Variants in B3GLCT observed in about 807,000 individuals in gnomAD.
The protein encoded by B3GLCT is beta 3-glucosyltransferase, also known as beta-1,3-glucosyltransferase.
In B3GLCT, 65 loss-of-function variants were observed where a neutral mutation model predicts 63.4. The observed-to-expected ratio is 1.03, with a 90% CI of 0.84 to 1.26. The LOEUF is 1.26. Among genes scored for constraint, B3GLCT ranks in the 50% most tolerant of loss-of-function variants. The pLI is 0.00. For missense variants in B3GLCT, 577 were observed against 604.8 expected (o/e 0.95, Z 0.48); for synonymous variants, 233 against 219.2 (o/e 1.06, Z -0.55).
At position 31,318,264 on chromosome 13, in the gene B3GLCT, G is replaced by A. The variant is rs115024990; in HGVS notation, c.1184+579G>A. Among the ~76,000 whole-genome samples, 399 of 152,246 alleles carry A rather than the reference G, an allele frequency of 2.6e-3. 2 individuals carry two copies. The highest frequency in any genetic ancestry group is 8.9e-3 in the African/African-American group (369 of 41,548). On this transcript the variant is annotated intron_variant, in intron 13 of 14. Transcript: ENST00000343307. ...ACTTCTGTAGTCTTACTATTGGTGC[G>A]TGTAGGCAAAATCTTATCAACGGTA...
chr13:31,299,058 C>T (rs1373060134), intron 12 of B3GLCT, among the ~76,000 whole-genome samples: 6 of 152,298 alleles, frequency 3.9e-5, no homozygotes, highest in South Asian at 2.1e-4. Flanking sequence ...ATTATTCCAA[C>T]GTACTCCTGC....
At chr13:31,321,624 G>C (rs1425399273) in intron 13 of B3GLCT, among the ~76,000 whole-genome samples, 1 of 152,208 alleles carries the variant, frequency 6.6e-6, no homozygotes, top group Non-Finnish European at 1.5e-5. Flanking sequence ...AGTCCAGTAA[G>C]TTTTTGAAAA....
At chr13:31,310,300 C>T (rs1874638899) in intron 12 of B3GLCT, among the ~76,000 whole-genome samples, 1 of 152,190 alleles carries the variant, frequency 6.6e-6, no homozygotes, top group South Asian at 2.1e-4. Context: ...GCTGTTCTTG[C>T]ATTGAATAAA....
intron 1 of B3GLCT, among the ~76,000 whole-genome samples, chr13:31,202,663 T>C (rs548673769): frequency 4.9e-4 from 74 of 152,294 alleles, no homozygotes; most frequent in Non-Finnish European, 6.0e-4. Context: ...TACAGAGATA[T>C]CTTTAGAGAT....
rs1870254261 is a variant in B3GLCT, at chr13:31,229,280, G to A, written c.256G>A (p.Ala86Thr). 6.2e-7 allele frequency: 1 copy of A among 1,606,930 alleles called. No individual in the cohort carries two copies. The highest frequency in any genetic ancestry group is 8.5e-7 in the Non-Finnish European group (1 of 1,173,448). Residue 86 changes from alanine to threonine, a missense_variant, in exon 4 of 15, where the codon GCA (alanine) becomes ACA (threonine). Transcript: ENST00000343307. The stretch of plus-strand genomic sequence containing the variant: ...AAAAAAAAGCATCTTAAAGCAGGCT[G>A]CAGATCTTACACAGGTACGTAGCGA... ...QLKKSILKQA[A>T]DLTQELPSVL...
At chr13:31,235,560 G>A (rs1447662824) in intron 4 of B3GLCT, among the ~76,000 whole-genome samples, 1 of 151,708 alleles carries the variant, frequency 6.6e-6, no homozygotes, top group Non-Finnish European at 1.5e-5. Context: ...CTCTGGAGAG[G>A]CCTCAGAGAG....
rs759071109 is a variant in B3GLCT, at chr13:31,260,960, A to G, written c.474A>G (p.Gly158=). 3 of 1,613,654 alleles carry G rather than the reference A, an allele frequency of 1.9e-6. No homozygotes were observed. The highest frequency in any genetic ancestry group is 2.5e-6 in the Non-Finnish European group (3 of 1,179,700). The part of the protein sequence containing the change: ...RYDPSKEWFL[G]KALHDEEATI... ...TTATTTAACAGGAATGGTTTTTGGG[A>G]AAAGCATTACATGATGAAGAAGCTA... The change falls in exon 7 of 15, where the codon GGA becomes GGG. Residue 158 remains glycine (G), a synonymous_variant. Coordinates refer to ENST00000343307, the MANE Select transcript of B3GLCT (RefSeq NM_194318.4).
chr13:31,216,063 A>G (rs981209457), intron 2 of B3GLCT, among the ~76,000 whole-genome samples: 2 of 152,224 alleles, frequency 1.3e-5, no homozygotes, highest in African/African-American at 2.4e-5. Context: ...AGTTTAAAAT[A>G]TCAGTTGTTT....
intron 1 of B3GLCT, among the ~76,000 whole-genome samples, chr13:31,204,610 T>TG (rs1377107213): frequency 6.6e-6 from 1 of 152,038 alleles, no homozygotes; most frequent in Non-Finnish European, 1.5e-5. Context: ...GGACATATTT[T>TG]GGGGTCATCC....
At chr13:31,327,947 GT>G (rs1875718681) in intron 14 of B3GLCT, among the ~76,000 whole-genome samples, 2 of 152,182 alleles carry the variant, frequency 1.3e-5, no homozygotes, top group South Asian at 4.1e-4. Flanking sequence ...ATTTGTACTG[GT>G]GAAGCTAGGT....
intron 6 of B3GLCT, among the ~76,000 whole-genome samples, chr13:31,258,764 G>A (rs1871869441): frequency 6.6e-6 from 1 of 152,104 alleles, no homozygotes; most frequent in Admixed American, 6.6e-5. Context: ...ATGTGCCTAT[G>A]TGTGATTTTC....
chr13:31,286,465 T>C (rs1210417363), intron 11 of B3GLCT, among the ~76,000 whole-genome samples: 1 of 152,194 alleles, frequency 6.6e-6, no homozygotes, highest in African/African-American at 2.4e-5. Flanking sequence ...TGTGACTGTG[T>C]AATTCCACTC....
intron 11 of B3GLCT, among the ~76,000 whole-genome samples, chr13:31,286,493 T>A (rs567901892): frequency 6.6e-6 from 1 of 152,320 alleles, no homozygotes; most frequent in Non-Finnish European, 1.5e-5. Flanking sequence ...TAGGTCTCCA[T>A]TTCCTTGTGT....
At chr13:31,234,549 G>A (rs1234524486) in intron 4 of B3GLCT, among the ~76,000 whole-genome samples, 1 of 152,200 alleles carries the variant, frequency 6.6e-6, no homozygotes, top group Non-Finnish European at 1.5e-5. Context: ...AGGACAGCAG[G>A]TAAGGTGGCC....
intron 10 of B3GLCT, among the ~76,000 whole-genome samples, chr13:31,281,090 G>T (rs961247284): frequency 2.0e-5 from 3 of 152,074 alleles, no homozygotes; most frequent in African/African-American, 4.8e-5. Flanking sequence ...ATTTTTCCAT[G>T]CAGTTTGTGT....
rs1875832919 is a variant in B3GLCT, at chr13:31,329,954, T to A, written c.*286T>A. On this transcript the variant is annotated 3_prime_UTR_variant, in exon 15 of 15. Coordinates refer to ENST00000343307, the MANE Select transcript of B3GLCT (RefSeq NM_194318.4). The stretch of plus-strand genomic sequence containing the variant: ...AAGCTGTGATACAGCAGTTTTTTTT[T>A]ATTGTCACAGGGAAATAAATGGTAC... 2 of 414,690 alleles carry A rather than the reference T, an allele frequency of 4.8e-6. No homozygotes were observed. Among genetic ancestry groups the A allele is most frequent in the South Asian group, 2.3e-5 (1 of 43,558 alleles). 25.7% of individuals were successfully genotyped at this position (414,690 alleles called of 1,614,324 possible).
chr13:31,214,660 A>G (rs913835781), intron 1 of B3GLCT, among the ~76,000 whole-genome samples: 1 of 152,204 alleles, frequency 6.6e-6, no homozygotes, highest in African/African-American at 2.4e-5. Context: ...TGAGGGTGAG[A>G]ATCTGTACTT....
intron 4 of B3GLCT, among the ~76,000 whole-genome samples, chr13:31,236,181 A>G (rs1870637583): frequency 6.6e-6 from 1 of 152,200 alleles, no homozygotes; most frequent in Admixed American, 6.5e-5. Context: ...CACGTAGTGG[A>G]TTGCCAAACA....
At chr13:31,218,995 T>C (rs1194722340) in intron 2 of B3GLCT, among the ~76,000 whole-genome samples, 1 of 151,636 alleles carries the variant, frequency 6.6e-6, no homozygotes, top group East Asian at 1.9e-4. Flanking sequence ...GACAGATAGA[T>C]TCATAGCCAA....
Sources: allele counts gnomAD v4.1 joint callset (sites outside exome capture counted in the v4.1 genomes callset), GRCh38; gene constraint gnomAD v4.1.1; transcripts MANE v1.5; gene names NCBI Gene and HGNC (gene_info 2026-07-23, HGNC 2026-07-21).